Variants in AQR observed in about 807,000 individuals in gnomAD.
AQR encodes the protein aquarius intron-binding spliceosomal factor.
Under a neutral mutation model 180.5 loss-of-function variants are expected in AQR, and 61 were observed. The observed-to-expected ratio is 0.34, with a 90% CI of 0.28 to 0.42. The LOEUF (loss-of-function observed/expected upper bound fraction) is 0.42, where lower values mean the gene tolerates loss of function less well. AQR is among the 10% of genes least tolerant of loss of function. The pLI, the probability that AQR is intolerant of heterozygous loss-of-function variation, is 1.00. For synonymous variants in AQR, 551 were observed against 588.8 expected, an observed-to-expected ratio of 0.94 and a Z score of 0.93; for missense variants, 1,281 against 1,798.3, an observed-to-expected ratio of 0.71 and a Z score of 5.20.
Position 34,853,298 on chromosome 15 carries a change from T to C in AQR, c.*3494A>G, listed in dbSNP as rs750947843. 7.9e-5 allele frequency: 12 copies of C among 151,140 alleles called. No individual in the cohort carries two copies. The highest frequency in any genetic ancestry group is 1.6e-4 in the Non-Finnish European group (11 of 67,928). The allele number at this position is 151,140 out of a possible 1,614,324, so 9.4% of individuals were successfully genotyped here. Reference sequence around the variant, plus strand: ...TTGATTGAAGAAACATCTCTAAAAATACCATCTGAGTGCAAGATAAAAAGG... The same window carrying C: ...TTGATTGAAGAAACATCTCTAAAAACACCATCTGAGTGCAAGATAAAAAGG... On this transcript the variant is annotated 3_prime_UTR_variant, in exon 35 of 35. Coordinates refer to ENST00000156471, the MANE Select transcript of AQR (RefSeq NM_014691.3).
At chr15:34,951,667 CA>C (rs35929298) in intron 4 of AQR, among the ~76,000 whole-genome samples, 2,280 of 74,868 alleles carry the variant, frequency 0.03, 48 homozygotes, top group African/African-American at 0.086. Flanking sequence ...GAGACTGTCT[CA>C]AAAAAAAAAA....
At chr15:34,945,559 A>T (rs1391705467) in intron 5 of AQR, among the ~76,000 whole-genome samples, 2 of 152,092 alleles carry the variant, frequency 1.3e-5, no homozygotes, top group East Asian at 1.9e-4. Flanking sequence ...GGCTCAAAAA[A>T]TTTTCCTTCT....
At position 34,953,978 on chromosome 15, in the gene AQR, G is replaced by A. The variant is rs992968326; in HGVS notation, c.174-1058C>T. 1.6e-4 allele frequency among the ~76,000 whole-genome samples: 24 copies of A among 152,178 alleles called. No homozygotes were observed. The South Asian group carries it at 1.9e-3, about 12-fold the overall frequency. On this transcript the variant is annotated intron_variant, in intron 3 of 34. Transcript: ENST00000156471. The stretch of plus-strand genomic sequence containing the variant: ...CGCCCACACTAGAGTGCAGTGGCAC[G>A]ATCTCGGTACACTGCAACCTCCGCC...
At chr15:34,967,845 C>G (rs569774545) in intron 1 of AQR, among the ~76,000 whole-genome samples, 2 of 152,202 alleles carry the variant, frequency 1.3e-5, no homozygotes, top group Admixed American at 6.5e-5. Flanking sequence ...CGGAGTTTTG[C>G]TCTTGTTGCC....
In AQR at chr15:34,942,054, T is replaced by C; in HGVS notation, c.498A>G (p.Val166=). 6.2e-7 allele frequency: 1 copy of C among 1,612,910 alleles called. No individual in the cohort carries two copies. The highest frequency in any genetic ancestry group is 1.3e-5 in the African/African-American group (1 of 75,014). Residue 166 remains valine, a synonymous_variant, in exon 7 of 35, where the codon GTA becomes GTG. Transcript: ENST00000156471. Reference sequence around the variant, plus strand: ...ACATTGGGAGGGAGATAAGCTGCTGTACTTGACTTCGTATCAAGTCTACTT... The same window carrying C: ...ACATTGGGAGGGAGATAAGCTGCTGCACTTGACTTCGTATCAAGTCTACTT... ...SLEVDLIRSQ[V]QQLISLPMWM...
intron 1 of AQR, among the ~76,000 whole-genome samples, chr15:34,967,106 C>T (rs1481429722): frequency 6.6e-6 from 1 of 151,814 alleles, no homozygotes; most frequent in East Asian, 2.0e-4. Context: ...GAACTCCCGA[C>T]CTCAGGTGAT....
intron 7 of AQR, 91 bp from the exon 8 acceptor site, chr15:34,941,090 T>A (rs939976492): frequency 1.2e-6 from 1 of 851,084 alleles, no homozygotes; most frequent in African/African-American, 1.7e-5. Flanking sequence ...TTCTAATATA[T>A]GAGTACAAAA....
intron 12 of AQR, among the ~76,000 whole-genome samples, chr15:34,929,040 TG>T (rs1357951910): frequency 6.6e-6 from 1 of 152,206 alleles, no homozygotes; most frequent in Non-Finnish European, 1.5e-5. Flanking sequence ...TTGATGGGGT[TG>T]TTTTTTTCTT....
At chr15:34,896,182 G>A (rs1893240488) in intron 22 of AQR, among the ~76,000 whole-genome samples, 1 of 152,162 alleles carries the variant, frequency 6.6e-6, no homozygotes, top group African/African-American at 2.4e-5. Context: ...AGCAATCTCT[G>A]TTGCAAGTAC....
intron 2 of AQR, among the ~76,000 whole-genome samples, chr15:34,963,115 T>C (rs2050289107): frequency 1.3e-5 from 2 of 152,144 alleles, no homozygotes; most frequent in South Asian, 4.1e-4. Context: ...GAGCAATTGA[T>C]ACTACATGTG....
chr15:34,943,509 G>C, intron 6 of AQR: 2 of 382,764 alleles, frequency 5.2e-6, no homozygotes, highest in East Asian at 1.1e-4. Flanking sequence ...GATAACAGTG[G>C]TATCCAGTGC....
rs2140483362 is a variant in AQR, at chr15:34,915,253, C to T, written c.1343-74G>A. On this transcript the variant is annotated intron_variant, in intron 15 of 34. Coordinates refer to ENST00000156471, the MANE Select transcript of AQR (RefSeq NM_014691.3). Reference sequence around the variant, plus strand: ...ACGGAGTCTCACTCTGTCACCTGCACAATCTCGTCTCACTGCAACCTCCGC... The same window carrying T: ...ACGGAGTCTCACTCTGTCACCTGCATAATCTCGTCTCACTGCAACCTCCGC... 4 of 1,366,262 alleles carry T rather than the reference C, an allele frequency of 2.9e-6. No individual in the cohort carries two copies. The East Asian group carries it at 7.7e-5, about 26-fold the overall frequency. The allele number at this position is 1,366,262 out of a possible 1,614,324, so 84.6% of individuals were successfully genotyped here.
intron 27 of AQR, among the ~76,000 whole-genome samples, chr15:34,878,759 A>T (rs1892925038): frequency 6.6e-6 from 1 of 152,180 alleles, no homozygotes; most frequent in Non-Finnish European, 1.5e-5. Flanking sequence ...GGCTGGGTGC[A>T]GTTGCTCATG....
intron 16 of AQR, among the ~76,000 whole-genome samples, chr15:34,914,559 C>T (rs1023859117): frequency 3.9e-5 from 6 of 152,208 alleles, no homozygotes; most frequent in Non-Finnish European, 5.9e-5. Flanking sequence ...TGTGCAGCAA[C>T]AGCCCTAATC....
chr15:34,910,646 G>T lies in AQR; in HGVS notation c.1485-333C>A, dbSNP rs186543015. Among the ~76,000 whole-genome samples, 258 of 152,164 alleles carry T rather than the reference G, an allele frequency of 1.7e-3. 1 individual carries two copies. The highest frequency in any genetic ancestry group is 2.7e-3 in the Non-Finnish European group (184 of 67,984). On this transcript the variant is annotated intron_variant, in intron 16 of 34. Transcript: ENST00000156471. Reference sequence around the variant, plus strand: ...TCTGGGGCTGAGCCATTTTATCAAAGAAATAAATAATCCAGCACACTTAGT... The same window carrying T: ...TCTGGGGCTGAGCCATTTTATCAAATAAATAAATAATCCAGCACACTTAGT...
chr15:34,865,456 G>A (rs1343300297), intron 32 of AQR, among the ~76,000 whole-genome samples: 1 of 152,130 alleles, frequency 6.6e-6, no homozygotes, highest in Non-Finnish European at 1.5e-5. Context: ...TGAAAAAAAG[G>A]TGTGAGCAAA....
chr15:34,864,731 T>C (rs753342929), intron 32 of AQR, among the ~76,000 whole-genome samples: 1 of 152,168 alleles, frequency 6.6e-6, no homozygotes, highest in Non-Finnish European at 1.5e-5. Context: ...ATTATTGCAA[T>C]GACCACTGTA....
intron 3 of AQR, among the ~76,000 whole-genome samples, chr15:34,959,077 G>A (rs1305866532): frequency 6.6e-6 from 1 of 152,184 alleles, no homozygotes; most frequent in African/African-American, 2.4e-5. Flanking sequence ...TAAGCTCCAG[G>A]AGAGCAGGGA....
Position 34,932,399 on chromosome 15 carries a change from G to C in AQR, c.819C>G (p.Ile273Met), listed in dbSNP as rs751344532. 6.2e-7 allele frequency: 1 copy of C among 1,611,634 alleles called. No individual in the cohort carries two copies. The highest frequency in any genetic ancestry group is 8.5e-7 in the Non-Finnish European group (1 of 1,179,242). Residue 273 changes from isoleucine (I) to methionine (M), a missense_variant, in exon 11 of 35, where the codon ATC (isoleucine) becomes ATG (methionine). By Grantham distance (10) the Ile-to-Met change is conservative (BLOSUM62 1). Coordinates refer to ENST00000156471, the MANE Select transcript of AQR (RefSeq NM_014691.3). ...LLPTRRWFNT[I>M]LDDSHLLVHC... is the part of the protein sequence containing the mutation. Reference sequence around the variant, plus strand: ...GAACCAGAAGGTGGGAATCATCCAGGATGGTATTAAACCAGCGCCTTGTGG... The same window carrying C: ...GAACCAGAAGGTGGGAATCATCCAGCATGGTATTAAACCAGCGCCTTGTGG...
Sources: gnomAD v4.1 joint callset for allele counts (sites outside exome capture counted in the v4.1 genomes callset) on GRCh38, gnomAD v4.1.1 for gene constraint, MANE v1.5 for transcripts, NCBI Gene and HGNC (gene_info 2026-07-23, HGNC 2026-07-21) for gene names.